Variants in TEX11 observed in about 807,000 individuals in gnomAD.
TEX11 encodes the protein testis-expressed protein 11.
A neutral mutation model predicts 84.4 loss-of-function variants in TEX11; 7 were observed. The ratio of observed to expected loss-of-function variants is 0.08; its 90% CI spans 0.05 to 0.16. TEX11 has a LOEUF of 0.16. Among genes scored for constraint, TEX11 ranks in the 10% least tolerant of loss-of-function variants. The pLI is 1.00. For missense variants in TEX11, 551 were observed against 660.5 expected (o/e 0.83, Z 1.82); for synonymous variants, 264 against 222.8 (o/e 1.18, Z -1.64).
At position 70,734,133 on chromosome X, in the gene TEX11, A is replaced by C. The variant is rs755994431; in HGVS notation, c.843+6568T>G. On this transcript the variant is annotated intron_variant, in intron 11 of 29. Transcript: ENST00000374333. The stretch of plus-strand genomic sequence containing the variant: ...AACACATGGACACAGGAAGGGGAAC[A>C]TCACAACCAGGGCCTGTTGTGGGTT... Among the ~76,000 whole-genome samples, 4 of 110,431 alleles carry C rather than the reference A, an allele frequency of 3.6e-5. No homozygotes were observed. In the South Asian group the frequency reaches 1.6e-3, roughly 45 times the overall value.
intron 3 of TEX11, among the ~76,000 whole-genome samples, chrX:70,878,096 T>C (rs1261621964): frequency 9.1e-6 from 1 of 109,963 alleles, no homozygotes; most frequent in Non-Finnish European, 1.9e-5. Flanking sequence ...CCCACTAGAA[T>C]GACTATAATC....
chrX:70,878,627 TA>T (rs758589021), intron 3 of TEX11, among the ~76,000 whole-genome samples: 145 of 92,882 alleles, frequency 1.6e-3, no homozygotes, highest in Middle Eastern at 5.5e-3. Flanking sequence ...TTAAAAAAAG[TA>T]AAAAAAAAAA....
At chrX:70,721,341 T>A (rs1283929425) in intron 13 of TEX11, among the ~76,000 whole-genome samples, 1 of 111,890 alleles carries the variant, frequency 8.9e-6, no homozygotes, top group Admixed American at 9.6e-5. Flanking sequence ...CTATTTCAAT[T>A]TTCAGAGCTT....
At chrX:70,697,218 T>A (rs2090287819) in intron 13 of TEX11, among the ~76,000 whole-genome samples, 1 of 112,265 alleles carries the variant, frequency 8.9e-6, no homozygotes, top group Non-Finnish European at 1.9e-5. Flanking sequence ...GATCTCCCTA[T>A]TTTAAATTCA....
chrX:70,656,394 C>T (rs1252862366), intron 16 of TEX11, among the ~76,000 whole-genome samples: 1 of 110,439 alleles, frequency 9.1e-6, no homozygotes, highest in Admixed American at 9.7e-5. Context: ...CACCACTGCA[C>T]TCCAGCCTAG....
At chrX:70,778,812 G>T (rs2091018437) in intron 9 of TEX11, among the ~76,000 whole-genome samples, 1 of 111,214 alleles carries the variant, frequency 9.0e-6, no homozygotes, top group Non-Finnish European at 1.9e-5. Context: ...AAAATGGTAT[G>T]AAACTAGAAA....
At chrX:70,613,670 T>C (rs1284944477) in intron 20 of TEX11, among the ~76,000 whole-genome samples, 1 of 111,524 alleles carries the variant, frequency 9.0e-6, no homozygotes, top group Non-Finnish European at 1.9e-5. Context: ...TCAGAACCAA[T>C]GGACTTGGGG....
intron 11 of TEX11, among the ~76,000 whole-genome samples, chrX:70,732,084 C>T (rs1421700216): frequency 1.8e-5 from 2 of 111,473 alleles, no homozygotes; most frequent in African/African-American, 6.5e-5. Flanking sequence ...GCAGAAAAGG[C>T]CTTTGACAAA....
intron 8 of TEX11, among the ~76,000 whole-genome samples, chrX:70,822,763 G>C (rs767273550): frequency 5.4e-5 from 6 of 111,514 alleles, no homozygotes; most frequent in Non-Finnish European, 9.4e-5. Flanking sequence ...ACTCATGGTA[G>C]AAGGCAAAGA....
At chrX:70,706,790 T>G (rs773724850) in intron 13 of TEX11, among the ~76,000 whole-genome samples, 3 of 110,937 alleles carry the variant, frequency 2.7e-5, no homozygotes, top group Non-Finnish European at 5.7e-5. Flanking sequence ...CAACCTAGTT[T>G]CAGGCTCTTA....
At chrX:70,552,992 C>A (rs1258996892) in intron 27 of TEX11, among the ~76,000 whole-genome samples, 1 of 111,285 alleles carries the variant, frequency 9.0e-6, no homozygotes, top group Non-Finnish European at 1.9e-5. Context: ...CTGTGCTTTT[C>A]TGTACATTTG....
At chrX:70,769,248 TA>T (rs1404259874) in intron 9 of TEX11, among the ~76,000 whole-genome samples, 1 of 111,088 alleles carries the variant, frequency 9.0e-6, no homozygotes, top group African/African-American at 3.3e-5. Context: ...AATTGATCAC[TA>T]AAAAACAATA....
rs184539137 is a variant in TEX11 at position 70,878,681 on chromosome X, G to T, written c.159+1307C>A. ...CATGGCCCAGCAATTTCATTCTTAG[G>T]TACAAACCTAAGAAAAATGAAAACA... On this transcript the variant is annotated intron_variant, in intron 3 of 29. Coordinates refer to ENST00000374333, the MANE Select transcript of TEX11 (RefSeq NM_031276.3). Among the ~76,000 whole-genome samples the T allele has an allele frequency of 6.6e-4, 72 of 109,336 alleles. No homozygotes were observed. In the East Asian group the frequency reaches 7.4e-3, roughly 11 times the overall value. The allele number at this position is 109,336 out of a possible 115,157, so 94.9% of individuals were successfully genotyped here. A position where few individuals can be genotyped will look rare whatever the true frequency, so the allele number is the denominator to read the frequency against.
At chrX:70,737,937 T>C (rs2090708201) in intron 11 of TEX11, among the ~76,000 whole-genome samples, 1 of 111,575 alleles carries the variant, frequency 9.0e-6, no homozygotes, top group Non-Finnish European at 1.9e-5. Flanking sequence ...TTACACTTTA[T>C]ACAAAAATTA....
chrX:70,614,860 G>A (rs752361368), intron 20 of TEX11, among the ~76,000 whole-genome samples: 14 of 111,116 alleles, frequency 1.3e-4, no homozygotes, highest in African/African-American at 1.6e-4. Context: ...GAGAGACTCC[G>A]TTTGTTTGGG....
At chrX:70,701,882 G>T (rs918994142) in intron 13 of TEX11, among the ~76,000 whole-genome samples, 3 of 111,520 alleles carry the variant, frequency 2.7e-5, no homozygotes, top group Non-Finnish European at 3.8e-5. Context: ...GAAATAGCAA[G>T]AGAAATAGAA....
At chrX:70,710,281 T>A (rs928329940) in intron 13 of TEX11, among the ~76,000 whole-genome samples, 8 of 111,788 alleles carry the variant, frequency 7.2e-5, no homozygotes, top group African/African-American at 2.6e-4. Context: ...AGATGTGATC[T>A]TTTTTGTTTT....
chrX:70,513,087 C>T, the TEX11 span, among the ~76,000 whole-genome samples: 1 of 108,810 alleles, frequency 9.2e-6, no homozygotes, highest in African/African-American at 3.4e-5. Context: ...GGCATGATGG[C>T]TCACGCCTGT....
At chrX:70,769,848 C>T (rs1438676415) in intron 9 of TEX11, among the ~76,000 whole-genome samples, 2 of 111,699 alleles carry the variant, frequency 1.8e-5, no homozygotes, top group Admixed American at 9.6e-5. Context: ...CTAGATGGTG[C>T]TAATACCTAC....
Sources: gnomAD v4.1 joint callset for allele counts (sites outside exome capture counted in the v4.1 genomes callset) on GRCh38, gnomAD v4.1.1 for gene constraint, MANE v1.5 for transcripts, NCBI Gene and HGNC (gene_info 2026-07-23, HGNC 2026-07-21) for gene names.